ADAMTSL1: variants seen among roughly 807,000 people sequenced by gnomAD.
ADAMTSL1 encodes ADAMTS-like protein 1.
ADAMTSL1 carries 126 observed loss-of-function variants against 201.8 expected under a neutral mutation model. That is an observed-to-expected ratio of 0.62 (90% CI 0.54 to 0.72). The LOEUF is 0.72. ADAMTSL1 is among the 30% of genes least tolerant of loss of function. ADAMTSL1 has a pLI of 0.00. For synonymous variants in ADAMTSL1, 1,121 were observed against 903.4 expected (o/e 1.24, Z -4.32); for missense variants, 2,679 against 2,277.8 (o/e 1.18, Z -3.59).
intron 2 of ADAMTSL1, among the ~76,000 whole-genome samples, chr9:18,464,169 G>C (rs1587287666): frequency 6.6e-6 from 1 of 152,158 alleles, no homozygotes; most frequent in Non-Finnish European, 1.5e-5. Flanking sequence ...TAATAAGCAT[G>C]CCCTCATCAT....
At chr9:18,557,367 C>A (rs531915931) in intron 3 of ADAMTSL1, among the ~76,000 whole-genome samples, 1 of 152,148 alleles carries the variant, frequency 6.6e-6, no homozygotes, top group Admixed American at 6.6e-5. Flanking sequence ...GTGAGAACCA[C>A]TTCCAGTTCT....
At chr9:18,717,958 A>G (rs972206586) in intron 14 of ADAMTSL1, 4 of 1,482,996 alleles carry the variant, frequency 2.7e-6, no homozygotes, top group Non-Finnish European at 3.8e-6. Context: ...TCAGAGCTGC[A>G]ATGCACTTAG....
intron 23 of ADAMTSL1, among the ~76,000 whole-genome samples, chr9:18,882,941 A>G (rs951568616): frequency 6.7e-6 from 1 of 150,196 alleles, no homozygotes; most frequent in South Asian, 2.1e-4. Flanking sequence ...GCAGTGAGCT[A>G]TGATTGCACC....
rs546739534 is a variant in ADAMTSL1, at chr9:18,907,134, C to T, written c.5182+222C>T. The stretch of plus-strand genomic sequence containing the variant: ...CCCCAAGGGCTTCCATGATCTCCAT[C>T]CTGGCCCTGAGAGAGCCAGGTGCTA... On this transcript the variant is annotated intron_variant, in intron 28 of 28. Coordinates refer to ENST00000380548, the MANE Select transcript of ADAMTSL1 (RefSeq NM_001040272.6). 13 of 556,002 alleles carry T rather than the reference C, an allele frequency of 2.3e-5. No homozygotes were observed. The African/African-American group carries it at 2.5e-4, about 11-fold the overall frequency. The allele number at this position is 556,002 out of a possible 1,614,324, so 34.4% of individuals were successfully genotyped here.
chr9:17,992,676 C>G (rs185479377), intron 1 of ADAMTSL1, among the ~76,000 whole-genome samples: 1 of 152,236 alleles, frequency 6.6e-6, no homozygotes, highest in African/African-American at 2.4e-5. Context: ...CTGTAGTGGC[C>G]ATGATCACAC....
At chr9:18,574,744 A>G (rs1472703906) in intron 4 of ADAMTSL1, among the ~76,000 whole-genome samples, 1 of 152,202 alleles carries the variant, frequency 6.6e-6, no homozygotes, top group Non-Finnish European at 1.5e-5. Flanking sequence ...TTGAAAATTC[A>G]GACACACTGT....
intron 1 of ADAMTSL1, among the ~76,000 whole-genome samples, chr9:17,967,834 GT>G (rs1818040339): frequency 6.6e-6 from 1 of 151,918 alleles, no homozygotes; most frequent in African/African-American, 2.4e-5. Flanking sequence ...AAAATTTCTA[GT>G]TTTCCTCCTT....
chr9:18,598,472 G>A (rs4433237), intron 4 of ADAMTSL1, among the ~76,000 whole-genome samples: 82,499 of 151,916 alleles, frequency 0.54, 22,584 homozygotes, highest in East Asian at 0.69. Context: ...ATTTTTGTTC[G>A]TCTCTTTTTA....
At chr9:18,130,439 C>T (rs1306967564) in intron 1 of ADAMTSL1, among the ~76,000 whole-genome samples, 1 of 152,164 alleles carries the variant, frequency 6.6e-6, no homozygotes, top group Non-Finnish European at 1.5e-5. Context: ...GTCACAATGA[C>T]ATTTCTGATG....
At chr9:18,454,090 C>T (rs1334501157) in intron 2 of ADAMTSL1, among the ~76,000 whole-genome samples, 1 of 152,170 alleles carries the variant, frequency 6.6e-6, no homozygotes, top group Non-Finnish European at 1.5e-5. Flanking sequence ...TGAGAAGTTC[C>T]ATCGCAGGCC....
At chr9:18,906,035 T>TGGGGA in intron 27 of ADAMTSL1, 144 bp downstream of exon 27, 1 of 708,220 alleles carries the variant, frequency 1.4e-6, no homozygotes, top group Non-Finnish European at 2.4e-6. Context: ...CGCAAGCCAC[T>TGGGGA]GGCCTCCCCA....
intron 5 of ADAMTSL1, 95 bp downstream of exon 5, chr9:18,622,464 C>T (rs772687260): frequency 6.5e-7 from 1 of 1,546,438 alleles, no homozygotes. Context: ...AACAACACCT[C>T]CACCAAAACG....
intron 2 of ADAMTSL1, among the ~76,000 whole-genome samples, chr9:18,236,843 C>G (rs2132431813): frequency 6.6e-6 from 1 of 152,248 alleles, no homozygotes; most frequent in Non-Finnish European, 1.5e-5. Context: ...TTCAGTTTCC[C>G]AAAATGTAAT....
At chr9:18,338,974 T>C (rs951374767) in intron 2 of ADAMTSL1, among the ~76,000 whole-genome samples, 2 of 152,192 alleles carry the variant, frequency 1.3e-5, no homozygotes, top group Non-Finnish European at 2.9e-5. Flanking sequence ...TATGGCTACA[T>C]AGGATTCCAT....
intron 2 of ADAMTSL1, among the ~76,000 whole-genome samples, chr9:18,279,794 T>A (rs1832715573): frequency 6.6e-6 from 1 of 152,188 alleles, no homozygotes; most frequent in African/African-American, 2.4e-5. Context: ...GGCCATCTTG[T>A]GGGGCTCACA....
intron 2 of ADAMTSL1, among the ~76,000 whole-genome samples, chr9:18,425,301 AT>A (rs1248300906): frequency 6.6e-6 from 1 of 152,168 alleles, no homozygotes; most frequent in African/African-American, 2.4e-5. Context: ...GTGAGTTTTC[AT>A]AGTTGAGTAG....
intron 1 of ADAMTSL1, among the ~76,000 whole-genome samples, chr9:18,124,239 T>A (rs1825638548): frequency 6.6e-6 from 1 of 151,636 alleles, no homozygotes; most frequent in African/African-American, 2.4e-5. Context: ...TGCACCACCA[T>A]GCCTGGCTAA....
intron 1 of ADAMTSL1, among the ~76,000 whole-genome samples, chr9:17,943,084 G>A (rs1374570735): frequency 6.6e-6 from 1 of 151,942 alleles, no homozygotes; most frequent in African/African-American, 2.4e-5. Context: ...ACTATGCCAG[G>A]CTAATTTCTT....
At chr9:18,008,572 C>G (rs1043038270) in intron 1 of ADAMTSL1, among the ~76,000 whole-genome samples, 1 of 151,864 alleles carries the variant, frequency 6.6e-6, no homozygotes, top group African/African-American at 2.4e-5. Context: ...AGGAGCCACT[C>G]AGGTAGGCAG....
Sources: gnomAD v4.1 joint callset for allele counts (sites outside exome capture counted in the v4.1 genomes callset) on GRCh38, gnomAD v4.1.1 for gene constraint, MANE v1.5 for transcripts, NCBI Gene and HGNC (gene_info 2026-07-23, HGNC 2026-07-21) for gene names.